Variants in CPNE4 observed in about 807,000 individuals in gnomAD.
The protein encoded by CPNE4 is copine 4.
A neutral mutation model predicts 67.9 loss-of-function variants in CPNE4; 25 were observed. The ratio of observed to expected loss-of-function variants is 0.37; its 90% CI spans 0.27 to 0.51. The LOEUF (loss-of-function observed/expected upper bound fraction) is 0.51, where lower values mean the gene tolerates loss of function less well. CPNE4 is among the 20% of genes least tolerant of loss of function. The pLI is 0.93. For synonymous variants in CPNE4, 242 were observed against 244.9 expected, an observed-to-expected ratio of 0.99 and a Z score of 0.11; for missense variants, 464 against 690.8, an observed-to-expected ratio of 0.67 and a Z score of 3.68.
At chr3:131,832,217 A>G (rs796096067) in intron 2 of CPNE4, among the ~76,000 whole-genome samples, 5 of 152,348 alleles carry the variant, frequency 3.3e-5, no homozygotes, top group African/African-American at 1.2e-4. Flanking sequence ...CCCAAAACTC[A>G]TATGTTGAAA....
rs568007756 is a variant in CPNE4 at position 131,890,380 on chromosome 3, C to A, written c.180+14884G>T. Among the ~76,000 whole-genome samples, 190 of 150,868 alleles carry A rather than the reference C, an allele frequency of 1.3e-3. 1 individual carries two copies. Among genetic ancestry groups the A allele is most frequent in the Middle Eastern group, 3.4e-3 (1 of 292 alleles). On this transcript the variant is annotated intron_variant, in intron 2 of 15. Transcript: ENST00000429747. ...AGCAAGGAAATAAAAATTAAAATCA[C>A]AATGAGATATCACCTCACTCCTGTA...
chr3:131,950,113 G>A (rs959776710), intron 1 of CPNE4, among the ~76,000 whole-genome samples: 7 of 152,226 alleles, frequency 4.6e-5, no homozygotes, highest in Non-Finnish European at 5.9e-5. Flanking sequence ...CATTATTGTT[G>A]GGGGGAAATA....
At chr3:132,001,615 G>GAAA (rs1342171924) in intron 1 of CPNE4, among the ~76,000 whole-genome samples, 1 of 146,826 alleles carries the variant, frequency 6.8e-6, no homozygotes, top group East Asian at 2.0e-4. Context: ...AAGAAAGAAA[G>GAAA]AAAATGAAGA....
intron 2 of CPNE4, among the ~76,000 whole-genome samples, chr3:131,878,099 C>G (rs1238593591): frequency 6.6e-6 from 1 of 152,174 alleles, no homozygotes; most frequent in Non-Finnish European, 1.5e-5. Context: ...TAAACATAGT[C>G]TCGCCTATCA....
chr3:131,986,064 G>A (rs2073033857), intron 1 of CPNE4: 1 of 153,078 alleles, frequency 6.5e-6, no homozygotes, highest in African/African-American at 2.4e-5. Flanking sequence ...AAACATATTA[G>A]TAACTGCTAA....
chr3:131,897,412 T>A lies in CPNE4; in HGVS notation c.180+7852A>T, dbSNP rs374256300. 5.3e-5 allele frequency among the ~76,000 whole-genome samples: 8 copies of A among 152,218 alleles called. No homozygotes were observed. In the East Asian group the frequency reaches 1.2e-3, roughly 22 times the overall value. On this transcript the variant is annotated intron_variant, in intron 2 of 15. Coordinates refer to ENST00000429747, the MANE Select transcript of CPNE4 (RefSeq NM_130808.3). ...TTAGCATATGGTGCATAGCAAACAG[T>A]CTGGTACTCATTATTCTGAGAGGAA...
intron 2 of CPNE4, among the ~76,000 whole-genome samples, chr3:131,751,180 G>C (rs2082615579): frequency 6.6e-6 from 1 of 151,948 alleles, no homozygotes; most frequent in South Asian, 2.1e-4. Context: ...TGAAGCTGTA[G>C]GTTTACATCT....
At chr3:131,582,638 T>C (rs1182480580) in intron 8 of CPNE4, among the ~76,000 whole-genome samples, 1 of 152,162 alleles carries the variant, frequency 6.6e-6, no homozygotes, top group African/African-American at 2.4e-5. Context: ...AGGCATTTAG[T>C]CACATGACTC....
At chr3:132,019,644 A>G (rs1043608255) in intron 1 of CPNE4, among the ~76,000 whole-genome samples, 1 of 152,232 alleles carries the variant, frequency 6.6e-6, no homozygotes, top group Non-Finnish European at 1.5e-5. Flanking sequence ...AAAATTCAGC[A>G]TAATGCTCTC....
At chr3:131,904,287 A>G (rs991368822) in intron 2 of CPNE4, among the ~76,000 whole-genome samples, 1 of 152,052 alleles carries the variant, frequency 6.6e-6, no homozygotes, top group African/African-American at 2.4e-5. Context: ...TATTTCTGCC[A>G]TCCCCATCTC....
chr3:131,813,549 A>G (rs1259166864), intron 2 of CPNE4, among the ~76,000 whole-genome samples: 1 of 151,414 alleles, frequency 6.6e-6, no homozygotes, highest in South Asian at 2.1e-4. Context: ...ATATGCATAC[A>G]TACACACATT....
intron 2 of CPNE4, among the ~76,000 whole-genome samples, chr3:131,821,861 C>T (rs1263172069): frequency 6.6e-6 from 1 of 152,284 alleles, no homozygotes; most frequent in African/African-American, 2.4e-5. Context: ...TTATGCCTCC[C>T]ATTTATATTT....
chr3:132,031,269 G>A (rs559777733), intron 1 of CPNE4, among the ~76,000 whole-genome samples: 37 of 152,200 alleles, frequency 2.4e-4, no homozygotes, highest in South Asian at 1.2e-3. Context: ...CTAGTGTACT[G>A]GCTACTGTTG....
intron 7 of CPNE4, among the ~76,000 whole-genome samples, chr3:131,652,023 C>T (rs142068785): frequency 7.5e-4 from 114 of 152,272 alleles, no homozygotes; most frequent in African/African-American, 2.4e-3. Flanking sequence ...ATGCTCTCTT[C>T]GTTACTCAGA....
intron 2 of CPNE4, among the ~76,000 whole-genome samples, chr3:131,766,115 T>C (rs973700322): frequency 2.0e-5 from 3 of 152,098 alleles, no homozygotes; most frequent in Non-Finnish European, 2.9e-5. Flanking sequence ...AGGGATAACC[T>C]CCGGCACCAG....
intron 15 of CPNE4, among the ~76,000 whole-genome samples, chr3:131,541,174 A>AC (rs1265968734): frequency 2.0e-5 from 3 of 152,052 alleles, no homozygotes; most frequent in Non-Finnish European, 4.4e-5. Flanking sequence ...TACCCAAGTT[A>AC]CCCCCACAGG....
intron 2 of CPNE4, among the ~76,000 whole-genome samples, chr3:131,893,838 G>T (rs562393042): frequency 1.1e-3 from 162 of 151,640 alleles, no homozygotes; most frequent in Non-Finnish European, 2.0e-3. Flanking sequence ...GGTCATTTAT[G>T]GTAAGAAACA....
chr3:131,787,001 C>A (rs185727475), intron 2 of CPNE4, among the ~76,000 whole-genome samples: 39 of 152,284 alleles, frequency 2.6e-4, no homozygotes, highest in Non-Finnish European at 4.3e-4. Flanking sequence ...TCTGTGAACA[C>A]ATCAGTTATT....
At chr3:131,972,905 T>G (rs1249855910) in intron 1 of CPNE4, among the ~76,000 whole-genome samples, 2 of 152,212 alleles carry the variant, frequency 1.3e-5, no homozygotes, top group African/African-American at 4.8e-5. Context: ...AACAAAGCAC[T>G]AATACAATCG....
Sources: allele counts gnomAD v4.1 joint callset (sites outside exome capture counted in the v4.1 genomes callset), GRCh38; gene constraint gnomAD v4.1.1; transcripts MANE v1.5; gene names NCBI Gene and HGNC (gene_info 2026-07-23, HGNC 2026-07-21).